CLVS2: variants seen among roughly 807,000 people sequenced by gnomAD.
CLVS2 encodes the protein clavesin 2.
A neutral mutation model predicts 29.0 loss-of-function variants in CLVS2; 19 were observed. The ratio of observed to expected loss-of-function variants is 0.66; its 90% CI spans 0.46 to 0.96. The LOEUF is 0.96. Ranked by LOEUF, CLVS2 falls within the 40% of genes least tolerant of loss-of-function variation. CLVS2 has a pLI of 0.00. For missense variants in CLVS2, 294 were observed against 404.1 expected, an observed-to-expected ratio of 0.73 and a Z score of 2.34; for synonymous variants, 161 against 151.3, an observed-to-expected ratio of 1.06 and a Z score of -0.47.
Position 123,055,859 on chromosome 6 carries a change from G to T in CLVS2, c.729G>T (p.Glu243Asp), listed in dbSNP as rs148805106. The T allele has an allele frequency of 2.5e-6, 4 of 1,614,090 alleles. No individual in the cohort carries two copies. Among genetic ancestry groups the T allele is most frequent in the Non-Finnish European group, 3.4e-6 (4 of 1,180,000 alleles). Residue 243 changes from glutamate to aspartate, a missense_variant, in exon 5 of 6, where the codon GAG (glutamate) becomes GAT (aspartate). Around this residue, in one of 2 missense-constraint regions of CLVS2, gnomAD observed 212 missense variants for 336.4 expected, o/e 0.63. Transcript: ENST00000275162. ...LNSLHQLIHP[E>D]ILPSEFGGML... ...GTCTACACCAACTAATTCATCCTGA[G>T]ATCCTGCCCTCTGAGTTTGGAGGAA...
At chr6:123,056,292 G>A (rs1458500988) in intron 5 of CLVS2, among the ~76,000 whole-genome samples, 2 of 152,186 alleles carry the variant, frequency 1.3e-5, no homozygotes, top group East Asian at 3.9e-4. Flanking sequence ...TAACCCTGAT[G>A]TATGATAGAT....
chr6:123,067,227 A>C lies in CLVS2; in HGVS notation c.*3466A>C, dbSNP rs901440649. ...ATGTGAAGCGTCTGTAATATTCCTG[A>C]GGGAAAAGAGGTCCCTCTATTGCAT... On this transcript the variant is annotated 3_prime_UTR_variant, in exon 6 of 6. Coordinates refer to ENST00000275162, the MANE Select transcript of CLVS2 (RefSeq NM_001010852.4). 5.9e-5 allele frequency: 9 copies of C among 151,734 alleles called. No homozygotes were observed. Among genetic ancestry groups the C allele is most frequent in the African/African-American group, 2.2e-4 (9 of 41,416 alleles). The allele number at this position is 151,734 out of a possible 1,614,324, so 9.4% of individuals were successfully genotyped here.
intron 3 of CLVS2, among the ~76,000 whole-genome samples, chr6:123,030,837 A>AT (rs1554202193): frequency 5.5e-5 from 8 of 146,210 alleles, no homozygotes; most frequent in South Asian, 2.1e-4. Flanking sequence ...ATATATATAA[A>AT]ATATATATAT....
chr6:123,004,463 C>G (rs545584371), intron 2 of CLVS2, among the ~76,000 whole-genome samples: 3 of 152,228 alleles, frequency 2.0e-5, no homozygotes, highest in African/African-American at 7.2e-5. Flanking sequence ...ATATTTATTC[C>G]AGGGATTGTA....
At chr6:123,031,718 G>C (rs1775086015) in intron 3 of CLVS2, among the ~76,000 whole-genome samples, 1 of 151,850 alleles carries the variant, frequency 6.6e-6, no homozygotes. Flanking sequence ...GCTGTTTCCA[G>C]AAGATTGTCA....
At position 123,060,601 on chromosome 6, in the gene CLVS2, C is replaced by A. The variant is rs528832304; in HGVS notation, c.897-3073C>A. The stretch of plus-strand genomic sequence containing the variant: ...GAGAAACAGGAAAGGTAAGTGACTT[C>A]CACATGTTGCATAACTACAAAGTAG... On this transcript the variant is annotated intron_variant, in intron 5 of 5. Coordinates refer to ENST00000275162, the MANE Select transcript of CLVS2 (RefSeq NM_001010852.4). Among the ~76,000 whole-genome samples the A allele has an allele frequency of 2.0e-5, 3 of 152,254 alleles. No individual in the cohort carries two copies. In the East Asian group the frequency reaches 5.8e-4, roughly 29 times the overall value.
intron 5 of CLVS2, among the ~76,000 whole-genome samples, chr6:123,059,085 T>C (rs1013406846): frequency 1.3e-5 from 2 of 152,326 alleles, no homozygotes; most frequent in African/African-American, 2.4e-5. Context: ...GTCTGCTTCC[T>C]CTTCCCCTGC....
At chr6:123,053,377 A>G (rs1206513373) in intron 4 of CLVS2, among the ~76,000 whole-genome samples, 10 of 152,148 alleles carry the variant, frequency 6.6e-5, no homozygotes, top group Non-Finnish European at 1.5e-5. Flanking sequence ...AAAAGATATT[A>G]GGGCAATCAG....
At chr6:123,020,256 A>T (rs933067913) in intron 3 of CLVS2, among the ~76,000 whole-genome samples, 7 of 152,114 alleles carry the variant, frequency 4.6e-5, no homozygotes, top group Admixed American at 4.6e-4. Flanking sequence ...CATTATACTT[A>T]CCAGTAGAGT....
At chr6:123,003,698 C>T (rs1364689742) in intron 2 of CLVS2, among the ~76,000 whole-genome samples, 1 of 152,110 alleles carries the variant, frequency 6.6e-6, no homozygotes, top group African/African-American at 2.4e-5. Flanking sequence ...GAAGAAAAAA[C>T]ATGTAAAGCT....
chr6:123,011,012 C>A lies in CLVS2; in HGVS notation c.417C>A (p.Ala139=). Residue 139 remains alanine (A), a synonymous_variant, in exon 3 of 6, where the codon GCC becomes GCA. Coordinates refer to ENST00000275162, the MANE Select transcript of CLVS2 (RefSeq NM_001010852.4). ...SRYTLVDILR[A]ILLSLEAMIE... ...ACACACTGGTGGATATTTTGCGTGCCATCTTACTTTCTTTAGAAGCCATGA... is the reference window on the plus strand; with the variant it reads ...ACACACTGGTGGATATTTTGCGTGCAATCTTACTTTCTTTAGAAGCCATGA... 1 of 1,603,884 alleles carries A rather than the reference C, an allele frequency of 6.2e-7. No homozygotes were observed. Among genetic ancestry groups the A allele is most frequent in the South Asian group, 1.1e-5 (1 of 89,628 alleles).
intron 2 of CLVS2, among the ~76,000 whole-genome samples, chr6:122,998,782 A>G (rs1257885425): frequency 6.6e-6 from 1 of 152,178 alleles, no homozygotes; most frequent in Non-Finnish European, 1.5e-5. Flanking sequence ...GACACTGAAA[A>G]TGTACACTGA....
At chr6:123,004,290 T>A (rs1774631705) in intron 2 of CLVS2, among the ~76,000 whole-genome samples, 1 of 152,212 alleles carries the variant, frequency 6.6e-6, no homozygotes, top group Non-Finnish European at 1.5e-5. Context: ...TCTTTACCCG[T>A]CTTCTTCAGA....
chr6:122,997,015 G>C (rs1774519345), intron 1 of CLVS2, among the ~76,000 whole-genome samples: 1 of 152,122 alleles, frequency 6.6e-6, no homozygotes, highest in Admixed American at 6.5e-5. Flanking sequence ...AACCCCTGCT[G>C]GTGCCTTATG....
chr6:122,996,600 T>C lies in CLVS2; in HGVS notation c.-706T>C. 1 of 153,066 alleles carries C rather than the reference T, an allele frequency of 6.5e-6. No homozygotes were observed. Among genetic ancestry groups the C allele is most frequent in the South Asian group, 2.1e-4 (1 of 4,852 alleles). The allele number at this position is 153,066 out of a possible 1,614,324, so 9.5% of individuals were successfully genotyped here. On this transcript the variant is annotated 5_prime_UTR_variant, in exon 1 of 6. Coordinates refer to ENST00000275162, the MANE Select transcript of CLVS2 (RefSeq NM_001010852.4). ...CTCCCGAGCGCATCTTCGGCCCGGG[T>C]CCCCGCCGCCACCCCTCTTCTCTGC...
rs117427018 is a variant in CLVS2, at chr6:123,000,810, T to G, written c.389+2644T>G. Among the ~76,000 whole-genome samples, 421 of 152,334 alleles carry G rather than the reference T, an allele frequency of 2.8e-3. 7 individuals carry two copies. The highest frequency in any genetic ancestry group is 1.8e-3 in the Non-Finnish European group (124 of 68,044). ...GAGTTGTTAAGTGAAGCACCTGGCT[T>G]TCAACAACTTTCTTAAAAAGTAGCC... On this transcript the variant is annotated intron_variant, in intron 2 of 5. Transcript: ENST00000275162.
At chr6:123,004,682 G>A (rs1396453314) in intron 2 of CLVS2, among the ~76,000 whole-genome samples, 3 of 152,186 alleles carry the variant, frequency 2.0e-5, no homozygotes, top group Admixed American at 2.0e-4. Context: ...GGAGGCCAAG[G>A]CGTGTAGATC....
chr6:123,009,103 T>C (rs902099369), intron 2 of CLVS2, among the ~76,000 whole-genome samples: 1 of 152,076 alleles, frequency 6.6e-6, no homozygotes, highest in Non-Finnish European at 1.5e-5. Flanking sequence ...ACTGAACACC[T>C]GTTTATACCG....
rs1403892672 is a variant in CLVS2, at chr6:123,068,563, T to A, written c.*4802T>A. 2.0e-5 allele frequency: 3 copies of A among 151,740 alleles called. No individual in the cohort carries two copies. The highest frequency in any genetic ancestry group is 7.2e-5 in the African/African-American group (3 of 41,400). The allele number at this position is 151,740 out of a possible 1,614,324, so 9.4% of individuals were successfully genotyped here. ...TGTTTCTAATCCAATTTTTCAATTT[T>A]TCAGATTTTATATTTGCTTAAACAA... On this transcript the variant is annotated 3_prime_UTR_variant, in exon 6 of 6. Coordinates refer to ENST00000275162, the MANE Select transcript of CLVS2 (RefSeq NM_001010852.4).
Sources: allele counts gnomAD v4.1 joint callset (sites outside exome capture counted in the v4.1 genomes callset), GRCh38; gene constraint gnomAD v4.1.1; regional missense constraint gnomAD v4.1.1; transcripts MANE v1.5; gene names NCBI Gene and HGNC (gene_info 2026-07-23, HGNC 2026-07-21).